The following VPS8 variants were observed in gnomAD, a reference collection of about 807,000 sequenced individuals.
The protein encoded by VPS8 is VPS8 subunit of CORVET complex.
VPS8 carries 129 observed loss-of-function variants against 216.4 expected under a neutral mutation model. The ratio of observed to expected loss-of-function variants is 0.60; its 90% CI spans 0.52 to 0.69. The LOEUF (loss-of-function observed/expected upper bound fraction) is 0.69, where lower values mean the gene tolerates loss of function less well. VPS8 is among the 30% of genes least tolerant of loss of function. The probability of loss-of-function intolerance (pLI) is 0.00; values close to 1 mark genes in which losing one functional copy is unlikely to be tolerated. For missense variants in VPS8, 1,531 were observed against 1,683.5 expected (o/e 0.91, Z 1.59); for synonymous variants, 571 against 565.4 (o/e 1.01, Z -0.14).
chr3:184,882,270 G>C (rs1390167081), intron 21 of VPS8: 1 of 405,880 alleles, frequency 2.5e-6, no homozygotes, highest in Non-Finnish European at 4.9e-6. Context: ...TTCTAAGAGG[G>C]TTTTCATGAA....
chr3:184,928,706 A>G (rs1387949323), intron 32 of VPS8, among the ~76,000 whole-genome samples, 173 bp downstream of exon 32: 1 of 152,250 alleles, frequency 6.6e-6, no homozygotes, highest in African/African-American at 2.4e-5. Context: ...TCTAGAAATT[A>G]GTAAAATTTG....
intron 8 of VPS8, among the ~76,000 whole-genome samples, chr3:184,843,635 C>T (rs1343728497): frequency 1.3e-5 from 2 of 152,080 alleles, no homozygotes; most frequent in Non-Finnish European, 2.9e-5. Flanking sequence ...AGCTTAAGCA[C>T]CTGTGAGTCA....
At chr3:184,936,892 C>T (rs1486642826) in intron 35 of VPS8, among the ~76,000 whole-genome samples, 1 of 151,982 alleles carries the variant, frequency 6.6e-6, no homozygotes, top group African/African-American at 2.4e-5. Context: ...TGCCTGCCAC[C>T]ATGCCTGGCT....
intron 45 of VPS8, among the ~76,000 whole-genome samples, chr3:185,023,102 C>T (rs1756879973): frequency 6.6e-6 from 1 of 152,180 alleles, no homozygotes; most frequent in Non-Finnish European, 1.5e-5. Flanking sequence ...CCCATCACCA[C>T]CAAAAATTTA....
At chr3:184,921,489 C>T (rs1738597060) in intron 29 of VPS8, among the ~76,000 whole-genome samples, 1 of 152,100 alleles carries the variant, frequency 6.6e-6, no homozygotes, top group Non-Finnish European at 1.5e-5. Context: ...GTGTAAGGCC[C>T]CTTGGTTGGT....
At chr3:184,965,205 T>C (rs1368624741) in intron 38 of VPS8, among the ~76,000 whole-genome samples, 1 of 152,192 alleles carries the variant, frequency 6.6e-6, no homozygotes, top group Non-Finnish European at 1.5e-5. Flanking sequence ...AGGGATATCA[T>C]ATTTATATTT....
intron 14 of VPS8, among the ~76,000 whole-genome samples, chr3:184,856,671 T>G (rs1725322150): frequency 6.6e-6 from 1 of 152,194 alleles, no homozygotes; most frequent in Admixed American, 6.5e-5. Flanking sequence ...CATTGCTGTT[T>G]CCTTAGTCTA....
chr3:184,859,812 A>G (rs929623998), intron 14 of VPS8, among the ~76,000 whole-genome samples, 173 bp from the exon 15 acceptor site: 11 of 152,210 alleles, frequency 7.2e-5, no homozygotes, highest in African/African-American at 2.7e-4. Context: ...TAATGGAACA[A>G]ATAATTTTTT....
chr3:184,995,111 G>A (rs184341612), intron 43 of VPS8, among the ~76,000 whole-genome samples: 68 of 152,306 alleles, frequency 4.5e-4, no homozygotes, highest in South Asian at 3.7e-3. Context: ...CAGCCAAACC[G>A]TATCACCATA....
chr3:184,910,300 C>G (rs1333001562), intron 25 of VPS8, among the ~76,000 whole-genome samples: 1 of 152,118 alleles, frequency 6.6e-6, no homozygotes, highest in Admixed American at 6.5e-5. Flanking sequence ...TGTTTCTTAA[C>G]TTCACGTTTC....
chr3:184,880,327 C>A lies in VPS8; in HGVS notation c.1735-5783C>A, dbSNP rs571328122. On this transcript the variant is annotated intron_variant, in intron 21 of 47. Transcript: ENST00000625842. ...ACCCACTTCTCTTCTGCTCCCACCC[C>A]CTCCTTAACCTCTGATACCCAGTAG... 7.2e-5 allele frequency among the ~76,000 whole-genome samples: 11 copies of A among 152,242 alleles called. No individual in the cohort carries two copies. The South Asian group carries it at 2.3e-3, about 32-fold the overall frequency.
intron 7 of VPS8, 113 bp downstream of exon 7, chr3:184,839,865 A>G (rs1721797761): frequency 6.9e-7 from 1 of 1,442,688 alleles, no homozygotes; most frequent in Non-Finnish European, 9.1e-7. Context: ...CAAAACCAGA[A>G]AAACTTGAAA....
rs556666049 is a variant in VPS8, at chr3:185,020,616, G to A, written c.4003-3720G>A. Among the ~76,000 whole-genome samples the A allele has an allele frequency of 2.6e-5, 4 of 152,170 alleles. No homozygotes were observed. In the South Asian group the frequency reaches 8.3e-4, roughly 32 times the overall value. On this transcript the variant is annotated intron_variant, in intron 45 of 47. Transcript: ENST00000625842. ...CTCCCAAGTAACTGAGACCTCAGGT[G>A]CACACCAGCACTCCAGGCTAATTTT...
intron 42 of VPS8, among the ~76,000 whole-genome samples, chr3:184,992,303 C>T (rs917204383): frequency 1.3e-5 from 2 of 152,154 alleles, no homozygotes; most frequent in Non-Finnish European, 2.9e-5. Flanking sequence ...AATAGCCAGA[C>T]ATGTTTCTCG....
intron 3 of VPS8, among the ~76,000 whole-genome samples, chr3:184,827,791 A>G (rs115266122): frequency 0.027 from 4,086 of 152,274 alleles, 197 homozygotes; most frequent in African/African-American, 0.094. Flanking sequence ...TGTCTAGTGT[A>G]TTTGGGTCAT....
chr3:185,030,207 A>G (rs980232711), intron 46 of VPS8, among the ~76,000 whole-genome samples: 1 of 152,242 alleles, frequency 6.6e-6, no homozygotes, highest in East Asian at 1.9e-4. Flanking sequence ...AGTTGGGGGC[A>G]GCATCAGACA....
chr3:184,841,447 C>T (rs1291093401), intron 7 of VPS8, among the ~76,000 whole-genome samples: 1 of 152,070 alleles, frequency 6.6e-6, no homozygotes, highest in Admixed American at 6.6e-5. Flanking sequence ...ATGGATTCTT[C>T]CTAATTTACT....
In VPS8 at chr3:184,859,539, T is replaced by C. The variant is rs370793760; in HGVS notation, c.1144-446T>C. Among the ~76,000 whole-genome samples the C allele has an allele frequency of 2.2e-4, 34 of 152,338 alleles. No individual in the cohort carries two copies. The South Asian group carries it at 4.4e-3, about 20-fold the overall frequency. On this transcript the variant is annotated intron_variant, in intron 14 of 47. Coordinates refer to ENST00000625842, the MANE Select transcript of VPS8 (RefSeq NM_001009921.3). ...ATGCATAGTTTTTTCATAGTATACATTTTCCATGAACTTTTTGAGTCCTCT... is the reference window on the plus strand; with the variant it reads ...ATGCATAGTTTTTTCATAGTATACACTTTCCATGAACTTTTTGAGTCCTCT...
rs576469405 is a variant in VPS8 at position 185,026,856 on chromosome 3, C to A, written c.4056+2467C>A. Among the ~76,000 whole-genome samples the A allele has an allele frequency of 6.6e-5, 10 of 151,806 alleles. No homozygotes were observed. The South Asian group carries it at 2.1e-3, about 32-fold the overall frequency. ...CCTGAGTACCTGGGACTGCAGGTGC[C>A]CACCAGCACACCTGGCTAATTTTTT... On this transcript the variant is annotated intron_variant, in intron 46 of 47. Coordinates refer to ENST00000625842, the MANE Select transcript of VPS8 (RefSeq NM_001009921.3).
Sources: allele counts gnomAD v4.1 joint callset (sites outside exome capture counted in the v4.1 genomes callset), GRCh38; gene constraint gnomAD v4.1.1; transcripts MANE v1.5; gene names NCBI Gene and HGNC (gene_info 2026-07-23, HGNC 2026-07-21).